GRAMD4: variants seen among roughly 807,000 people sequenced by gnomAD.
The protein encoded by GRAMD4 is GRAM domain containing 4, also known as GRAM domain-containing protein 4.
In GRAMD4, 25 loss-of-function variants were observed where a neutral mutation model predicts 83.9. The ratio of observed to expected loss-of-function variants is 0.30; its 90% confidence interval spans 0.22 to 0.42. The LOEUF (loss-of-function observed/expected upper bound fraction) is 0.42, where lower values mean the gene tolerates loss of function less well. GRAMD4 is among the 10% of genes least tolerant of loss of function. GRAMD4 has a pLI of 1.00. For synonymous variants in GRAMD4, 336 were observed against 320.9 expected (o/e 1.05, Z -0.50); for missense variants, 593 against 788.7 (o/e 0.75, Z 2.97).
intron 1 of GRAMD4, among the ~76,000 whole-genome samples, chr22:46,600,234 G>A (rs2081299476): frequency 1.3e-5 from 2 of 152,160 alleles, no homozygotes; most frequent in African/African-American, 4.8e-5. Context: ...TCCAGTGGTG[G>A]GATGTGGGCC....
At chr22:46,596,409 C>T (rs1164048512) in intron 1 of GRAMD4, among the ~76,000 whole-genome samples, 1 of 152,266 alleles carries the variant, frequency 6.6e-6, no homozygotes, top group Non-Finnish European at 1.5e-5. Context: ...GTCTTTGTCA[C>T]CATCCCTCTG....
rs886921690 is a variant in GRAMD4, at chr22:46,668,149, C to T, written c.912C>T (p.Asp304=). The T allele has an allele frequency of 7.4e-6, 12 of 1,611,532 alleles. No homozygotes were observed. Among genetic ancestry groups the T allele is most frequent in the Admixed American group, 5.0e-5 (3 of 59,976 alleles). ...CTGAGAAGTTCCAGCTGGTGCTGGA[C>T]GTCGCCCAGAAAGCCCAGGTACTGC... ...TVSEKFQLVL[D]VAQKAQNLFG... is the part of the protein sequence containing the mutation. The change falls in exon 11 of 19, where the codon GAC becomes GAT. Residue 304 remains aspartate (D), a synonymous_variant. Transcript: ENST00000406902.
chr22:46,637,735 C>A, intron 2 of GRAMD4, 105 bp from the exon 3 acceptor site: 1 of 1,207,708 alleles, frequency 8.3e-7, no homozygotes, highest in Non-Finnish European at 1.2e-6. Context: ...TTTCACATGC[C>A]ACTGCTGCCA....
rs183316386 is a variant in GRAMD4 at position 46,622,109 on chromosome 22, C to A, written c.-50+1544C>A. On this transcript the variant is annotated intron_variant, in intron 1 of 18. Transcript: ENST00000406902. This position sits in a 1 kb window ranked among gnomAD's most constrained non-coding sequence, Gnocchi z 4.0. ...CGCATTGCATTCTGATGGTGACAGG[C>A]GGGACACTCAGGGCCTTTGTCCCCT... 6.6e-6 allele frequency among the ~76,000 whole-genome samples: 1 copy of A among 152,122 alleles called. No homozygotes were observed. The highest frequency in any genetic ancestry group is 2.4e-5 in the African/African-American group (1 of 41,412).
intron 18 of GRAMD4, among the ~76,000 whole-genome samples, 186 bp downstream of exon 18, chr22:46,676,854 C>T (rs971083843): frequency 5.3e-5 from 8 of 152,182 alleles, no homozygotes; most frequent in African/African-American, 1.9e-4. Context: ...GGAAATCTTG[C>T]TGGGGCCATC....
chr22:46,651,292 C>T (rs1269111675), intron 3 of GRAMD4, among the ~76,000 whole-genome samples: 2 of 152,256 alleles, frequency 1.3e-5, no homozygotes, highest in Non-Finnish European at 2.9e-5. Flanking sequence ...GCTGCTGTGA[C>T]CAGGTCTGCT....
At chr22:46,592,207 G>T (rs945325143) in intron 1 of GRAMD4, among the ~76,000 whole-genome samples, 7 of 152,308 alleles carry the variant, frequency 4.6e-5, no homozygotes, top group African/African-American at 1.4e-4. Flanking sequence ...AGGGAATGAG[G>T]CCCACTGCTA....
At chr22:46,577,264 G>A (rs2081050934) in exon 1 of GRAMD4, 51 of 979,040 alleles carry the variant, frequency 5.2e-5, no homozygotes, top group Non-Finnish European at 5.9e-5. Flanking sequence ...GCGGGTGGAT[G>A]AGAGTTGGCC....
At position 46,621,139 on chromosome 22, in the gene GRAMD4, C is replaced by T. The variant is rs138488; in HGVS notation, c.-50+574C>T. Reference sequence around the variant, plus strand: ...CAGGGGCCGTCTGGTTGGGGATGCGCGGCTGCAGCACGCAGGACGGAAGGT... The same window carrying T: ...CAGGGGCCGTCTGGTTGGGGATGCGTGGCTGCAGCACGCAGGACGGAAGGT... On this transcript the variant is annotated intron_variant, in intron 1 of 18. Transcript: ENST00000406902. This position sits in a 1 kb window ranked among gnomAD's most constrained non-coding sequence, Gnocchi z 5.8. 0.25 allele frequency among the ~76,000 whole-genome samples: 37,781 copies of T among 151,888 alleles called. 5,627 individuals are homozygous for T. The highest frequency in any genetic ancestry group is 0.62 in the East Asian group (3,211 of 5,142).
chr22:46,616,103 T>G (rs1005052114), upstream of GRAMD4, among the ~76,000 whole-genome samples: 9 of 141,440 alleles, frequency 6.4e-5, no homozygotes, highest in Non-Finnish European at 1.2e-4. Flanking sequence ...GGTTCCCCCT[T>G]GTGTAGGTTC....
At chr22:46,614,206 C>T (rs1236504469) in intron 1 of GRAMD4, among the ~76,000 whole-genome samples, 1 of 152,216 alleles carries the variant, frequency 6.6e-6, no homozygotes, top group Non-Finnish European at 1.5e-5. Flanking sequence ...GTTCCCTGGG[C>T]CTGCCGCGCG....
At chr22:46,588,796 G>T (rs1468846330) in intron 1 of GRAMD4, among the ~76,000 whole-genome samples, 1 of 149,510 alleles carries the variant, frequency 6.7e-6, no homozygotes, top group African/African-American at 2.5e-5. Flanking sequence ...GTCGGTCCGG[G>T]CTGGGCAGAG....
rs1051291253 is a variant in GRAMD4, at chr22:46,626,715, G to A, written c.-49-36G>A. On this transcript the variant is annotated intron_variant, in intron 1 of 18. Coordinates refer to ENST00000406902, the MANE Select transcript of GRAMD4 (RefSeq NM_015124.5). ...GAGCTGGCTCGTGGGGCTTGGAGGT[G>A]GCGAGCGGGAGAGTGACCACGCCCC... The A allele has an allele frequency of 2.4e-5, 33 of 1,374,526 alleles. No homozygotes were observed. The Admixed American group carries it at 4.5e-4, about 19-fold the overall frequency. The allele number at this position is 1,374,526 out of a possible 1,614,324, so 85.1% of individuals were successfully genotyped here.
chr22:46,587,757 G>A lies in GRAMD4; in HGVS notation c.-50+10467G>A, dbSNP rs936634835. 3.3e-5 allele frequency among the ~76,000 whole-genome samples: 5 copies of A among 152,110 alleles called. No individual in the cohort carries two copies. In the East Asian group the frequency reaches 7.8e-4, roughly 24 times the overall value. The stretch of plus-strand genomic sequence containing the variant: ...GGCCCGAGGTAGGGTTGAAACAGGT[G>A]GAACTGACTGGTGGTCGTTGCTGGC... On this transcript the variant is annotated intron_variant, in intron 1 of 1. Transcript: ENST00000431155.
chr22:46,604,506 T>TGA (rs1228506211), intron 1 of GRAMD4, among the ~76,000 whole-genome samples: 11 of 152,298 alleles, frequency 7.2e-5, no homozygotes, highest in African/African-American at 2.6e-4. Context: ...CCAGAACATC[T>TGA]GATCTTCCCC....
chr22:46,629,828 C>T (rs1421175678), intron 2 of GRAMD4, among the ~76,000 whole-genome samples: 1 of 152,214 alleles, frequency 6.6e-6, no homozygotes, highest in Non-Finnish European at 1.5e-5. Flanking sequence ...TGGCCACCGG[C>T]CCCACCAGCT....
rs1376074146 is a variant in GRAMD4 at position 46,676,588 on chromosome 22, T to C, written c.1564-12T>C. On this transcript the variant is annotated splice_polypyrimidine_tract_variant and intron_variant, in intron 17 of 18. Coordinates refer to ENST00000406902, the MANE Select transcript of GRAMD4 (RefSeq NM_015124.5). ...GAGAGACCTGTGGTGACGGCCACGC[T>C]TTGCCTTTCAGTACAAGGTCCTGTC... The C allele has an allele frequency of 3.2e-6, 5 of 1,549,124 alleles. No homozygotes were observed. Among genetic ancestry groups the C allele is most frequent in the Non-Finnish European group, 4.4e-6 (5 of 1,146,628 alleles).
chr22:46,674,757 G>C lies in GRAMD4; in HGVS notation c.1478+7G>C. 1.3e-6 allele frequency: 2 copies of C among 1,588,256 alleles called. No homozygotes were observed. Among genetic ancestry groups the C allele is most frequent in the African/African-American group, 2.7e-5 (2 of 74,582 alleles). On this transcript the variant is annotated splice_region_variant and intron_variant, in intron 16 of 18. Transcript: ENST00000406902. ...TGCTCTACGTCACGGAGAAGTGAGT[G>C]CAGCCGTGGGGCCCTGTGTGGCTGC...
At chr22:46,630,315 C>T (rs374314361) in intron 2 of GRAMD4, among the ~76,000 whole-genome samples, 2 of 152,292 alleles carry the variant, frequency 1.3e-5, no homozygotes, top group African/African-American at 4.8e-5. Context: ...CGTGAGCCAC[C>T]GCGCCCGACC....
Sources: gnomAD v4.1 joint callset for allele counts (sites outside exome capture counted in the v4.1 genomes callset) on GRCh38, gnomAD v4.1.1 for gene constraint, Gnocchi (gnomAD v3.1) non-coding constraint, MANE v1.5 for transcripts, NCBI Gene and HGNC (gene_info 2026-07-23, HGNC 2026-07-21) for gene names.